Variants in ZMAT4 observed in about 807,000 individuals in gnomAD.
ZMAT4 encodes the protein zinc finger matrin-type protein 4.
In ZMAT4, 17 loss-of-function variants were observed where a neutral mutation model predicts 28.7. That is an observed-to-expected ratio of 0.59 (90% CI 0.41 to 0.89). The LOEUF (loss-of-function observed/expected upper bound fraction) is 0.89. Ranked by LOEUF, ZMAT4 falls within the 40% of genes least tolerant of loss-of-function variation. The pLI, the probability that ZMAT4 is intolerant of heterozygous loss-of-function variation, is 0.00. For synonymous variants in ZMAT4, 117 were observed against 109.2 expected (o/e 1.07, Z -0.44); for missense variants, 240 against 283.8 (o/e 0.85, Z 1.11).
chr8:40,648,800 C>T (rs1179414277), intron 5 of ZMAT4, among the ~76,000 whole-genome samples: 10 of 111,810 alleles, frequency 8.9e-5, no homozygotes, highest in Admixed American at 7.5e-4. Context: ...ATTTTCAACC[C>T]AGAATTTCAT....
At chr8:40,624,400 C>T (rs1263356133) in intron 5 of ZMAT4, among the ~76,000 whole-genome samples, 1 of 152,188 alleles carries the variant, frequency 6.6e-6, no homozygotes, top group Admixed American at 6.5e-5. Flanking sequence ...ATTCCAGCCT[C>T]CAGGACCGTC....
At chr8:40,593,117 C>G (rs1169686012) in intron 5 of ZMAT4, among the ~76,000 whole-genome samples, 1 of 152,052 alleles carries the variant, frequency 6.6e-6, no homozygotes, top group East Asian at 1.9e-4. Context: ...TGTGTTTTTT[C>G]TTTCCTTCCC....
chr8:40,868,435 C>T (rs1010475092), intron 1 of ZMAT4, among the ~76,000 whole-genome samples: 1 of 152,104 alleles, frequency 6.6e-6, no homozygotes, highest in Non-Finnish European at 1.5e-5. Context: ...AACCTGGCAC[C>T]CCACCTATGT....
At chr8:40,731,855 T>C (rs768390635) in intron 3 of ZMAT4, among the ~76,000 whole-genome samples, 1 of 152,172 alleles carries the variant, frequency 6.6e-6, no homozygotes, top group Non-Finnish European at 1.5e-5. Context: ...ATAAACAAAA[T>C]GTGATGTATA....
chr8:40,684,324 C>T (rs547809813), intron 4 of ZMAT4, among the ~76,000 whole-genome samples: 1 of 152,278 alleles, frequency 6.6e-6, no homozygotes, highest in African/African-American at 2.4e-5. Flanking sequence ...GTCCTTTCAT[C>T]GTAAACCTCA....
At chr8:40,821,855 G>T (rs1162381825) in intron 2 of ZMAT4, among the ~76,000 whole-genome samples, 1 of 152,078 alleles carries the variant, frequency 6.6e-6, no homozygotes, top group African/African-American at 2.4e-5. Context: ...ACACAATGAT[G>T]CCAGGGTAGC....
At chr8:40,881,578 G>A (rs536124656) in intron 1 of ZMAT4, among the ~76,000 whole-genome samples, 6 of 106,046 alleles carry the variant, frequency 5.7e-5, no homozygotes, top group East Asian at 3.1e-4. Context: ...AAGAAAGAAA[G>A]AAAGAAAGAA....
chr8:40,575,655 C>T lies in ZMAT4; in HGVS notation c.674+5510G>A, dbSNP rs112393821. ...CTACTGAGACTCTGGGATCCATCTA[C>T]AGGAAAAAGTCTTTTCTATGAAAGC... On this transcript the variant is annotated intron_variant, in intron 6 of 6. Coordinates refer to ENST00000297737, the MANE Select transcript of ZMAT4 (RefSeq NM_024645.3). 2.8e-4 allele frequency among the ~76,000 whole-genome samples: 42 copies of T among 151,730 alleles called. 1 individual carries two copies. Among genetic ancestry groups the T allele is most frequent in the African/African-American group, 9.5e-4 (39 of 41,146 alleles).
intron 3 of ZMAT4, among the ~76,000 whole-genome samples, chr8:40,701,089 T>C (rs747628677): frequency 5.9e-5 from 9 of 152,130 alleles, no homozygotes; most frequent in Non-Finnish European, 1.0e-4. Flanking sequence ...GACAGAAAGA[T>C]GGCCAGGTAA....
rs551113293 is a variant in ZMAT4 at position 40,582,260 on chromosome 8, G to A, written c.578-999C>T. Among the ~76,000 whole-genome samples the A allele has an allele frequency of 7.9e-4, 120 of 152,250 alleles. 1 individual carries two copies. The South Asian group carries it at 0.013, about 17-fold the overall frequency. On this transcript the variant is annotated intron_variant, in intron 5 of 6. Transcript: ENST00000297737. Reference sequence around the variant, plus strand: ...AATGGCCCGTAATCCCAATGATTTGGGAGGCCGAGGCAGGAGGATAGCTTA... The same window carrying A: ...AATGGCCCGTAATCCCAATGATTTGAGAGGCCGAGGCAGGAGGATAGCTTA...
At chr8:40,851,567 T>A (rs897353987) in intron 1 of ZMAT4, among the ~76,000 whole-genome samples, 1 of 152,196 alleles carries the variant, frequency 6.6e-6, no homozygotes, top group African/African-American at 2.4e-5. Context: ...TAAATACTCT[T>A]TGAACTATGC....
At chr8:40,840,835 G>A (rs1406299877) in intron 1 of ZMAT4, among the ~76,000 whole-genome samples, 3 of 152,144 alleles carry the variant, frequency 2.0e-5, no homozygotes, top group African/African-American at 7.2e-5. Context: ...AGTTACTATA[G>A]TACCATCTGA....
At chr8:40,831,953 G>A (rs1192634688) in intron 1 of ZMAT4, among the ~76,000 whole-genome samples, 2 of 152,218 alleles carry the variant, frequency 1.3e-5, no homozygotes, top group Admixed American at 6.5e-5. Context: ...TCAAAGAGCT[G>A]TGTAGACTTG....
chr8:40,889,178 G>A (rs1818575928), intron 1 of ZMAT4, among the ~76,000 whole-genome samples: 1 of 152,328 alleles, frequency 6.6e-6, no homozygotes, highest in South Asian at 2.1e-4. Flanking sequence ...AGGGCCCGGA[G>A]GTGGGAATGC....
At chr8:40,804,539 A>G (rs1814993114) in intron 2 of ZMAT4, among the ~76,000 whole-genome samples, 1 of 152,116 alleles carries the variant, frequency 6.6e-6, no homozygotes, top group South Asian at 2.1e-4. Context: ...CACAAAAGCA[A>G]TTTTAAAATA....
Position 40,849,906 on chromosome 8 carries a change from A to G in ZMAT4, c.-4-24226T>C, listed in dbSNP as rs1018697119. On this transcript the variant is annotated intron_variant, in intron 1 of 6. Coordinates refer to ENST00000297737, the MANE Select transcript of ZMAT4 (RefSeq NM_024645.3). ...GCCATCAGCAAGTGTGCTGCCCCGG[A>G]GGCTTCCCCACCTAGTACCTGGCAC... is the stretch of plus-strand genomic sequence containing the variant. Among the ~76,000 whole-genome samples the G allele has an allele frequency of 1.2e-3, 181 of 152,242 alleles. 2 individuals carry two copies. Among genetic ancestry groups the G allele is most frequent in the Non-Finnish European group, 3.2e-4 (22 of 68,018 alleles).
At chr8:40,689,409 T>A (rs1809562009) in intron 4 of ZMAT4, among the ~76,000 whole-genome samples, 1 of 152,246 alleles carries the variant, frequency 6.6e-6, no homozygotes, top group Non-Finnish European at 1.5e-5. Context: ...ATTTAGAAAA[T>A]ATTTTAAAAT....
At chr8:40,872,011 T>C (rs1265619213) in intron 1 of ZMAT4, among the ~76,000 whole-genome samples, 1 of 152,210 alleles carries the variant, frequency 6.6e-6, no homozygotes, top group Non-Finnish European at 1.5e-5. Flanking sequence ...AGAGGATATC[T>C]GAAATCAGGG....
intron 6 of ZMAT4, among the ~76,000 whole-genome samples, chr8:40,535,208 C>T (rs910606087): frequency 2.6e-5 from 4 of 152,144 alleles, no homozygotes; most frequent in Admixed American, 2.6e-4. Flanking sequence ...CCTTCTAGCA[C>T]AAGCCAGATG....
Sources: allele counts gnomAD v4.1 joint callset (sites outside exome capture counted in the v4.1 genomes callset), GRCh38; gene constraint gnomAD v4.1.1; transcripts MANE v1.5; gene names NCBI Gene and HGNC (gene_info 2026-07-23, HGNC 2026-07-21).